ST3GAL3: variants seen among roughly 807,000 people sequenced by gnomAD.
ST3GAL3 encodes CMP-N-acetylneuraminate-beta-1,4-galactoside alpha-2,3-sialyltransferase.
A neutral mutation model predicts 50.1 loss-of-function variants in ST3GAL3; 21 were observed. The ratio of observed to expected loss-of-function variants is 0.42; its 90% confidence interval spans 0.30 to 0.60. The LOEUF is 0.60. Among genes scored for constraint, ST3GAL3 ranks in the 20% least tolerant of loss-of-function variants. ST3GAL3 has a pLI of 0.19. For missense variants in ST3GAL3, 353 were observed against 489.4 expected (o/e 0.72, Z 2.63); for synonymous variants, 183 against 190.0 (o/e 0.96, Z 0.30).
intron 9 of ST3GAL3, among the ~76,000 whole-genome samples, chr1:43,907,119 A>G (rs2079915180): frequency 6.6e-6 from 1 of 152,212 alleles, no homozygotes; most frequent in Admixed American, 6.5e-5. Flanking sequence ...TCAGCCAGCC[A>G]TCTCCACAAC....
chr1:43,851,853 G>A (rs1033425546), intron 5 of ST3GAL3, among the ~76,000 whole-genome samples: 1 of 152,142 alleles, frequency 6.6e-6, no homozygotes, highest in East Asian at 1.9e-4. Context: ...ACACTGCCAC[G>A]CACCAGCAAC....
chr1:43,824,890 C>T, intron 4 of ST3GAL3: 1 of 770,754 alleles, frequency 1.3e-6, no homozygotes. Flanking sequence ...TAAAGCTGCC[C>T]AGGTGAGTCT....
At position 43,889,203 on chromosome 1, in the gene ST3GAL3, TACACAC is replaced by T. The variant is rs59739550; in HGVS notation, c.303-5155_303-5150del. Among the ~76,000 whole-genome samples the T allele has an allele frequency of 7.6e-4, 113 of 148,156 alleles. 2 individuals are homozygous for T. Among genetic ancestry groups the T allele is most frequent in the Middle Eastern group, 3.4e-3 (1 of 292 alleles). On this transcript the variant is annotated intron_variant, in intron 5 of 11. Transcript: ENST00000347631. ...TAGTGAATAAAGAAGGGAACAGGAATACACACACACACACACACACACACACACACG... is the reference window on the plus strand; with the variant it reads ...TAGTGAATAAAGAAGGGAACAGGAATACACACACACACACACACACACACG...
At chr1:43,814,577 G>A (rs1395531105) in intron 3 of ST3GAL3, among the ~76,000 whole-genome samples, 11 of 152,136 alleles carry the variant, frequency 7.2e-5, no homozygotes, top group African/African-American at 1.2e-4. Flanking sequence ...TGCTTTTCCA[G>A]GTTCCAGTTT....
intron 4 of ST3GAL3, among the ~76,000 whole-genome samples, chr1:43,830,097 C>A (rs1374292494): frequency 7.0e-6 from 1 of 143,128 alleles, no homozygotes; most frequent in Non-Finnish European, 1.5e-5. Flanking sequence ...AGCCTCAGCT[C>A]AAGCAATCCT....
intron 11 of ST3GAL3, among the ~76,000 whole-genome samples, chr1:43,925,296 C>CAAAAAGAAA (rs2083720823): frequency 1.1e-5 from 1 of 90,230 alleles, no homozygotes; most frequent in Non-Finnish European, 2.4e-5. Flanking sequence ...GACTGTGTCT[C>CAAAAAGAAA]AAAAAAAAAA....
At chr1:43,922,566 C>G (rs1003832497) in intron 11 of ST3GAL3, 1 of 151,630 alleles carries the variant, frequency 6.6e-6, no homozygotes, top group Non-Finnish European at 1.5e-5. Context: ...TTTGGGAGGC[C>G]GAGGCGGGTG....
intron 5 of ST3GAL3, 57 bp downstream of exon 5, chr1:43,838,368 C>T: frequency 6.7e-7 from 1 of 1,496,504 alleles, no homozygotes. Flanking sequence ...GTCCAAGAGC[C>T]AGAAACTCTG....
At chr1:43,736,078 AGATGGG>A (rs1324902348) in intron 1 of ST3GAL3, among the ~76,000 whole-genome samples, 149 bp from the exon 2 acceptor site, 8 of 152,152 alleles carry the variant, frequency 5.3e-5, no homozygotes, top group African/African-American at 1.9e-4. Context: ...CTGTTTTTTG[AGATGGG>A]GATGAGCAGG....
intron 9 of ST3GAL3, among the ~76,000 whole-genome samples, chr1:43,917,640 A>G (rs2082262762): frequency 1.3e-5 from 1 of 74,638 alleles, no homozygotes; most frequent in African/African-American, 5.3e-5. Flanking sequence ...AATATATAAT[A>G]TAATATATAA....
chr1:43,764,815 C>G (rs1312160365), intron 2 of ST3GAL3, among the ~76,000 whole-genome samples: 1 of 152,186 alleles, frequency 6.6e-6, no homozygotes, highest in African/African-American at 2.4e-5. Flanking sequence ...CTGAAGAGGG[C>G]TGACAGTTGA....
intron 4 of ST3GAL3, among the ~76,000 whole-genome samples, chr1:43,816,352 A>T (rs549299795): frequency 6.6e-6 from 1 of 152,308 alleles, no homozygotes; most frequent in South Asian, 2.1e-4. Flanking sequence ...ACTTTTACAC[A>T]TTATGAAGGC....
At chr1:43,908,228 C>T (rs1437577006) in intron 9 of ST3GAL3, among the ~76,000 whole-genome samples, 1 of 152,184 alleles carries the variant, frequency 6.6e-6, no homozygotes, top group Non-Finnish European at 1.5e-5. Flanking sequence ...TGGATTATTT[C>T]AGCAGCTTTC....
chr1:43,810,074 C>T (rs745812651), intron 3 of ST3GAL3, among the ~76,000 whole-genome samples: 1 of 151,016 alleles, frequency 6.6e-6, no homozygotes, highest in Non-Finnish European at 1.5e-5. Flanking sequence ...ATGAACAGAC[C>T]ACTGGTGAGC....
rs1004962638 is a variant in ST3GAL3, at chr1:43,793,221, AT to A, written c.166+1080del. Among the ~76,000 whole-genome samples the A allele has an allele frequency of 2.7e-3, 411 of 151,570 alleles. 1 individual carries two copies. Among genetic ancestry groups the A allele is most frequent in the African/African-American group, 9.4e-3 (388 of 41,290 alleles). Reference sequence around the variant, plus strand: ...TCTCTTACAATCGCTTTTTATTTTTATTTTTTTTATTTTTAATGTTTATGGG... The same window carrying A: ...TCTCTTACAATCGCTTTTTATTTTTATTTTTTTATTTTTAATGTTTATGGG... On this transcript the variant is annotated intron_variant, in intron 3 of 11. Transcript: ENST00000347631.
At chr1:43,920,267 C>G in intron 9 of ST3GAL3, 137 bp from the exon 10 acceptor site, 1 of 1,023,908 alleles carries the variant, frequency 9.8e-7, no homozygotes, top group Non-Finnish European at 1.5e-6. Flanking sequence ...GATGGGCTTC[C>G]TACACCACAG....
chr1:43,814,315 G>A (rs2060977032), intron 3 of ST3GAL3, among the ~76,000 whole-genome samples: 1 of 152,168 alleles, frequency 6.6e-6, no homozygotes, highest in Non-Finnish European at 1.5e-5. Flanking sequence ...GAAGCAAGAT[G>A]CAAAGAACTT....
At position 43,748,223 on chromosome 1, in the gene ST3GAL3, A is replaced by T. The variant is rs921871802; in HGVS notation, c.118+11843A>T. On this transcript the variant is annotated intron_variant, in intron 2 of 11. Transcript: ENST00000347631. ...GCACACAAATAGAAAATAAGATTAA[A>T]CAACATTATTTGCAATAGCATCAAA... Among the ~76,000 whole-genome samples the T allele has an allele frequency of 2.0e-5, 3 of 152,144 alleles. No homozygotes were observed. In the East Asian group the frequency reaches 5.8e-4, roughly 29 times the overall value.
At chr1:43,768,204 A>G (rs1693826691) in intron 2 of ST3GAL3, among the ~76,000 whole-genome samples, 1 of 152,156 alleles carries the variant, frequency 6.6e-6, no homozygotes, top group African/African-American at 2.4e-5. Flanking sequence ...AGAGGCCAGT[A>G]TTTGAGGATC....
Sources: allele counts gnomAD v4.1 joint callset (sites outside exome capture counted in the v4.1 genomes callset), GRCh38; gene constraint gnomAD v4.1.1; transcripts MANE v1.5; gene names NCBI Gene and HGNC (gene_info 2026-07-23, HGNC 2026-07-21).